The following RHCG variants were observed in gnomAD, a reference collection of about 807,000 sequenced individuals.
RHCG encodes Rh family C glycoprotein.
RHCG carries 39 observed loss-of-function variants against 55.3 expected under a neutral mutation model. That is an observed-to-expected ratio of 0.70 (90% CI 0.55 to 0.92). The LOEUF is 0.92. Among genes scored for constraint, RHCG ranks in the 40% least tolerant of loss-of-function variants. The probability of loss-of-function intolerance (pLI) is 0.00; values close to 1 mark genes in which losing one functional copy is unlikely to be tolerated. For missense variants in RHCG, 635 were observed against 627.9 expected (o/e 1.01, Z -0.12); for synonymous variants, 250 against 246.8 (o/e 1.01, Z -0.12).
At chr15:89,483,329 T>C (rs4932135) in intron 2 of RHCG, 112 bp from the exon 3 acceptor site, 220,253 of 982,568 alleles carry the variant, frequency 0.22, 27,516 homozygotes, top group African/African-American at 0.45. Flanking sequence ...CTTTCTGAGC[T>C]TCAGTTTCAT....
Position 89,480,261 on chromosome 15 carries a change from C to T in RHCG, c.670G>A (p.Gly224Ser). ...VYQSDLFAMIGTLFLWMYWPS... is the reference protein window; with the variant it reads ...VYQSDLFAMISTLFLWMYWPS... Reference sequence around the variant, plus strand: ...CCTCGGTCATGATGGCAGTTCTCACCAATCATGGCAAAGAGGTCCGACTGG... The same window carrying T: ...CCTCGGTCATGATGGCAGTTCTCACTAATCATGGCAAAGAGGTCCGACTGG... The change falls in exon 4 of 11, where the codon GGC (glycine) becomes AGC (serine). Residue 224 changes from glycine to serine, a missense_variant and splice_region_variant. Transcript: ENST00000268122. 3.1e-6 allele frequency: 5 copies of T among 1,614,002 alleles called. No homozygotes were observed. The highest frequency in any genetic ancestry group is 4.2e-6 in the Non-Finnish European group (5 of 1,179,942).
chr15:89,486,723 C>A, intron 2 of RHCG, 76 bp downstream of exon 2: 1 of 1,494,308 alleles, frequency 6.7e-7, no homozygotes, highest in South Asian at 1.3e-5. Context: ...ATGGGCACGC[C>A]CTCCTCCCTC....
At chr15:89,488,779 G>C (rs546092629) in intron 1 of RHCG, among the ~76,000 whole-genome samples, 2 of 151,800 alleles carry the variant, frequency 1.3e-5, no homozygotes, top group East Asian at 1.9e-4. Context: ...AGAATGGGGG[G>C]GGGGGAGTGC....
At chr15:89,480,557 C>A (rs575655349) in intron 3 of RHCG, 149 bp from the exon 4 acceptor site, 140 of 875,786 alleles carry the variant, frequency 1.6e-4, no homozygotes, top group Non-Finnish European at 2.2e-4. Context: ...CTTCACGGAC[C>A]AATCAACTGG....
Position 89,486,952 on chromosome 15 carries a change from C to G in RHCG, c.218G>C (p.Gly73Ala), listed in dbSNP as rs1461951558. The G allele has an allele frequency of 1.2e-6, 2 of 1,605,428 alleles. No homozygotes were observed. Among genetic ancestry groups the G allele is most frequent in the Non-Finnish European group, 1.7e-6 (2 of 1,173,526 alleles). ...FQDVHVMVFV[G>A]FGFLMTFLQR... ...CAGGAAAGTCATGAGGAAGCCGAAG[C>G]CCACGAAGACCATCACGTGCACGTC... The change falls in exon 2 of 11, where the codon GGC becomes GCC. Residue 73 changes from glycine to alanine, a missense_variant. Coordinates refer to ENST00000268122, the MANE Select transcript of RHCG (RefSeq NM_016321.3).
chr15:89,487,791 C>A (rs944440302), intron 1 of RHCG, among the ~76,000 whole-genome samples: 13 of 152,190 alleles, frequency 8.5e-5, no homozygotes, highest in African/African-American at 3.1e-4. Context: ...AGTGTCTACC[C>A]CATAGTAGGT....
intron 1 of RHCG, among the ~76,000 whole-genome samples, chr15:89,487,993 T>C (rs1961405441): frequency 1.3e-5 from 2 of 152,172 alleles, no homozygotes; most frequent in South Asian, 4.1e-4. Flanking sequence ...GCGCTTATGT[T>C]GCATGGTTCT....
intron 9 of RHCG, 92 bp from the exon 10 acceptor site, chr15:89,472,955 G>A: frequency 7.4e-7 from 1 of 1,348,598 alleles, no homozygotes; most frequent in South Asian, 1.8e-5. Flanking sequence ...AATGGTGTGT[G>A]GCGAGCGCCA....
chr15:89,472,843 A>C lies in RHCG; in HGVS notation c.1332T>G (p.Thr444=), dbSNP rs1961066382. ...AGGTGGGGTCCTCAGGGATGTAGAC[A>C]GTGCTGTTCCCTTCAGGCATCTACA... ...VYWEMPEGNS[T]VYIPEDPTFK... The change falls in exon 10 of 11, where the codon ACT becomes ACG. Residue 444 remains threonine (T), a synonymous_variant. Coordinates refer to ENST00000268122, the MANE Select transcript of RHCG (RefSeq NM_016321.3). 1 of 1,509,456 alleles carries C rather than the reference A, an allele frequency of 6.6e-7. No homozygotes were observed. Among genetic ancestry groups the C allele is most frequent in the South Asian group, 1.3e-5 (1 of 79,966 alleles). The allele number at this position is 1,509,456 out of a possible 1,614,324, so 93.5% of individuals were successfully genotyped here. A position where few individuals can be genotyped will look rare whatever the true frequency, so the allele number is the denominator to read the frequency against.
chr15:89,474,964 G>T (rs9744695), intron 9 of RHCG, among the ~76,000 whole-genome samples: 3 of 97,930 alleles, frequency 3.1e-5, no homozygotes, highest in African/African-American at 1.1e-4. Flanking sequence ...ATTCCTGCCT[G>T]CCTGCCTTCA....
intron 10 of RHCG, among the ~76,000 whole-genome samples, chr15:89,472,486 C>T (rs1278967335): frequency 3.9e-5 from 6 of 152,350 alleles, no homozygotes; most frequent in African/African-American, 1.4e-4. Flanking sequence ...CTTCCAGGCC[C>T]TTGTGCCTTC....
intron 1 of RHCG, among the ~76,000 whole-genome samples, chr15:89,491,644 T>C (rs112751482): frequency 0.013 from 1,910 of 152,088 alleles, 49 homozygotes; most frequent in African/African-American, 0.044. Context: ...GTGCACGCCT[T>C]TAATCCCAGC....
At chr15:89,481,773 C>T (rs1961271040) in intron 3 of RHCG, among the ~76,000 whole-genome samples, 1 of 152,050 alleles carries the variant, frequency 6.6e-6, no homozygotes, top group Non-Finnish European at 1.5e-5. Context: ...GTCTTCTATG[C>T]ACTATTTATT....
In RHCG at chr15:89,486,711, C is replaced by G. The variant is rs1961377155; in HGVS notation, c.371+88G>C. The G allele has an allele frequency of 2.3e-5, 33 of 1,440,050 alleles. No homozygotes were observed. In the South Asian group the frequency reaches 4.0e-4, roughly 18 times the overall value. The allele number at this position is 1,440,050 out of a possible 1,614,324, so 89.2% of individuals were successfully genotyped here. A position where few individuals can be genotyped will look rare whatever the true frequency, so the allele number is the denominator to read the frequency against. On this transcript the variant is annotated intron_variant, in intron 2 of 10. Coordinates refer to ENST00000268122, the MANE Select transcript of RHCG (RefSeq NM_016321.3). Reference sequence around the variant, plus strand: ...CTCCAGCCTCAAGCCCGGGTCCCGCCGATGGGCACGCCCTCCTCCCTCAGG... The same window carrying G: ...CTCCAGCCTCAAGCCCGGGTCCCGCGGATGGGCACGCCCTCCTCCCTCAGG...
chr15:89,482,583 A>T lies in RHCG; in HGVS notation c.522+484T>A, dbSNP rs544543093. Reference sequence around the variant, plus strand: ...AGGTGCCTCTTATCTGAGCCACTGAATTGACCTCCCCGAGGGAGCAGCACT... The same window carrying T: ...AGGTGCCTCTTATCTGAGCCACTGATTTGACCTCCCCGAGGGAGCAGCACT... On this transcript the variant is annotated intron_variant, in intron 3 of 10. Transcript: ENST00000268122. Among the ~76,000 whole-genome samples, 3 of 152,244 alleles carry T rather than the reference A, an allele frequency of 2.0e-5. No homozygotes were observed. In the South Asian group the frequency reaches 6.2e-4, roughly 32 times the overall value.
intron 3 of RHCG, 55 bp downstream of exon 3, chr15:89,483,012 C>T: frequency 6.7e-7 from 1 of 1,489,594 alleles, no homozygotes; most frequent in Non-Finnish European, 9.1e-7. Context: ...TCTCCATACC[C>T]TGCTGTCCCC....
At position 89,486,930 on chromosome 15, in the gene RHCG, GAA is replaced by G; in HGVS notation, c.238_239del (p.Phe80ProfsTer49). 5.6e-6 allele frequency: 9 copies of G among 1,612,180 alleles called. No homozygotes were observed. The highest frequency in any genetic ancestry group is 7.6e-6 in the Non-Finnish European group (9 of 1,178,536). ...VFVGFGFLMT[F>X]LQRYGFSAVG... ...CGGCGCTGAAGCCGTAGCGCTGCAG[GAA>G]AGTCATGAGGAAGCCGAAGCCCACG... On this transcript the variant is annotated frameshift_variant, in exon 2 of 11. Coordinates refer to ENST00000268122, the MANE Select transcript of RHCG (RefSeq NM_016321.3). LOFTEE classifies it high-confidence loss of function.
intron 3 of RHCG, among the ~76,000 whole-genome samples, chr15:89,481,652 C>A (rs550225125): frequency 6.6e-6 from 1 of 152,230 alleles, no homozygotes; most frequent in Non-Finnish European, 1.5e-5. Flanking sequence ...AGAGAGTAGA[C>A]AACATGTGGA....
chr15:89,478,640 G>C (rs1403824439), intron 5 of RHCG, among the ~76,000 whole-genome samples: 1 of 152,142 alleles, frequency 6.6e-6, no homozygotes, highest in African/African-American at 2.4e-5. Flanking sequence ...TCCTGCAGGT[G>C]GGTGTGGATA....
Sources: allele counts gnomAD v4.1 joint callset (sites outside exome capture counted in the v4.1 genomes callset), GRCh38; gene constraint gnomAD v4.1.1; transcripts MANE v1.5; gene names NCBI Gene and HGNC (gene_info 2026-07-23, HGNC 2026-07-21).